SCFD2: variants seen among roughly 807,000 people sequenced by gnomAD.
SCFD2 encodes sec1 family domain containing 2.
SCFD2 carries 54 observed loss-of-function variants against 58.9 expected under a neutral mutation model. The ratio of observed to expected loss-of-function variants is 0.92; its 90% CI spans 0.74 to 1.15. The LOEUF (loss-of-function observed/expected upper bound fraction) is 1.15, where lower values mean the gene tolerates loss of function less well. Ranked by LOEUF, SCFD2 falls within the 50% of genes most tolerant of loss-of-function variation. The probability of loss-of-function intolerance (pLI) is 0.00; values close to 1 mark genes in which losing one functional copy is unlikely to be tolerated. For synonymous variants in SCFD2, 321 were observed against 335.9 expected, an observed-to-expected ratio of 0.96 and a Z score of 0.49; for missense variants, 805 against 836.6, an observed-to-expected ratio of 0.96 and a Z score of 0.47.
In SCFD2 at chr4:53,027,785, A is replaced by T. The variant is rs1295664731; in HGVS notation, c.1562-106915T>A. Among the ~76,000 whole-genome samples the T allele has an allele frequency of 5.3e-5, 8 of 152,174 alleles. No homozygotes were observed. In the East Asian group the frequency reaches 1.6e-3, roughly 29 times the overall value. ...TGAGGCTGCAGTGAGCTGCATTCAA[A>T]CCACTGCATTCCAGCCTGGGTGACA... On this transcript the variant is annotated intron_variant, in intron 5 of 8. Transcript: ENST00000401642.
chr4:53,253,562 A>G (rs1423937330), intron 4 of SCFD2, among the ~76,000 whole-genome samples: 1 of 152,154 alleles, frequency 6.6e-6, no homozygotes, highest in Non-Finnish European at 1.5e-5. Context: ...TGTAGCCATA[A>G]AAAATGATGA....
intron 4 of SCFD2, among the ~76,000 whole-genome samples, chr4:53,231,861 T>C (rs1353230051): frequency 2.0e-5 from 3 of 152,030 alleles, no homozygotes; most frequent in African/African-American, 4.8e-5. Flanking sequence ...AAACAAAAAA[T>C]GTTATATATA....
At chr4:53,052,499 C>T (rs532643433) in intron 5 of SCFD2, among the ~76,000 whole-genome samples, 2 of 152,240 alleles carry the variant, frequency 1.3e-5, no homozygotes, top group South Asian at 4.1e-4. Flanking sequence ...TAAAGAATAA[C>T]AAGAAAATAA....
intron 5 of SCFD2, among the ~76,000 whole-genome samples, chr4:53,031,094 A>G (rs1324668598): frequency 1.3e-5 from 2 of 152,188 alleles, no homozygotes; most frequent in African/African-American, 4.8e-5. Flanking sequence ...AAAGTCAGCA[A>G]TCTTTGCTGT....
At chr4:52,997,877 C>T (rs1445020092) in intron 5 of SCFD2, among the ~76,000 whole-genome samples, 1 of 152,192 alleles carries the variant, frequency 6.6e-6, no homozygotes, top group East Asian at 1.9e-4. Context: ...AAAATATCTT[C>T]TCAAGAGACA....
chr4:53,263,991 G>A (rs1730906748), intron 4 of SCFD2, among the ~76,000 whole-genome samples: 2 of 152,150 alleles, frequency 1.3e-5, no homozygotes, highest in Non-Finnish European at 1.5e-5. Flanking sequence ...GGAGATGGTG[G>A]TATAGTTCCC....
chr4:53,178,764 G>A (rs995903962), intron 4 of SCFD2, among the ~76,000 whole-genome samples: 4 of 152,090 alleles, frequency 2.6e-5, no homozygotes, highest in East Asian at 3.9e-4. Context: ...AAAATTAGAC[G>A]AATGGATAAC....
chr4:52,916,362 G>A (rs1719606300), intron 6 of SCFD2, among the ~76,000 whole-genome samples: 1 of 152,240 alleles, frequency 6.6e-6, no homozygotes, highest in Admixed American at 6.5e-5. Flanking sequence ...CTGAGGTCAG[G>A]AGTTCAAGAC....
intron 4 of SCFD2, among the ~76,000 whole-genome samples, chr4:53,149,514 T>A (rs1726444172): frequency 6.6e-6 from 1 of 152,214 alleles, no homozygotes; most frequent in Non-Finnish European, 1.5e-5. Context: ...CAAATCTTCC[T>A]TAAGGAATTC....
rs1053841223 is a variant in SCFD2, at chr4:53,173,859, C to T, written c.1312-28277G>A. ...TACACCTCTACACTTTTACTCCCCA[C>T]GCTCATACCATATAGACATACACAC... On this transcript the variant is annotated intron_variant, in intron 4 of 8. Transcript: ENST00000401642. Among the ~76,000 whole-genome samples the T allele has an allele frequency of 1.2e-4, 19 of 152,210 alleles. 1 individual carries two copies. Among genetic ancestry groups the T allele is most frequent in the South Asian group, 4.1e-4 (2 of 4,824 alleles).
At chr4:52,945,962 TA>T (rs1560489165) in intron 5 of SCFD2, among the ~76,000 whole-genome samples, 1 of 152,202 alleles carries the variant, frequency 6.6e-6, no homozygotes, top group Non-Finnish European at 1.5e-5. Context: ...TAACTGATTT[TA>T]AAAAGCAAAT....
chr4:53,145,344 T>G lies in SCFD2; in HGVS notation c.1550A>C (p.Gln517Pro). The G allele has an allele frequency of 6.2e-7, 1 of 1,613,998 alleles. No individual in the cohort carries two copies. The highest frequency in any genetic ancestry group is 8.5e-7 in the Non-Finnish European group (1 of 1,179,968). The change falls in exon 5 of 9, where the codon CAA (glutamine) becomes CCA (proline). Residue 517 changes from glutamine (Q) to proline (P), a missense_variant. Gln to Pro is a moderately conservative substitution (Grantham distance 76, BLOSUM62 -1). Around this residue, in one of 3 missense-constraint regions of SCFD2, gnomAD observed 633 missense variants for 646.8 expected, o/e 0.98. Coordinates refer to ENST00000401642, the MANE Select transcript of SCFD2 (RefSeq NM_152540.4). ...TGTTAGACACTCACCCGTAATTTTT[T>G]GCAGCAAAGGTGACAATCCAGATTC... is the stretch of plus-strand genomic sequence containing the variant. The part of the protein sequence containing the change: ...CEESGLSPLL[Q>P]KITDWDSSIN...
intron 5 of SCFD2, among the ~76,000 whole-genome samples, chr4:53,123,927 A>G (rs1725553885): frequency 6.6e-6 from 1 of 152,170 alleles, no homozygotes; most frequent in Admixed American, 6.5e-5. Context: ...GGTGCTTGGA[A>G]ACCACTCCAT....
chr4:53,273,996 C>G lies in SCFD2; in HGVS notation c.1141G>C (p.Val381Leu). 2 of 1,607,916 alleles carry G rather than the reference C, an allele frequency of 1.2e-6. No homozygotes were observed. The highest frequency in any genetic ancestry group is 2.2e-5 in the South Asian group (2 of 89,294). Residue 381 changes from valine to leucine, a missense_variant, in exon 4 of 9, where the codon GTC becomes CTC. Val to Leu is a conservative substitution (Grantham distance 32). Transcript: ENST00000401642. ...TAGGACATGAGCTGTCCCGGTGTGA[C>G]TCTCCCTGGAAACATAAGAATTTAT... The part of the protein sequence containing the change: ...NLPIKMSMGR[V>L]TPGQLMSYIQ...
chr4:52,966,822 TA>T (rs200490737), intron 5 of SCFD2, among the ~76,000 whole-genome samples: 5 of 152,134 alleles, frequency 3.3e-5, no homozygotes, highest in African/African-American at 1.2e-4. Context: ...CCTTTGTTTT[TA>T]AAAAAAATTG....
At chr4:53,024,779 G>A (rs1352079952) in intron 5 of SCFD2, among the ~76,000 whole-genome samples, 1 of 151,642 alleles carries the variant, frequency 6.6e-6, no homozygotes, top group Admixed American at 6.6e-5. Flanking sequence ...CTCTGAAGGG[G>A]TTCCAGAGTC....
At chr4:53,030,426 G>A (rs1316984248) in intron 5 of SCFD2, among the ~76,000 whole-genome samples, 1 of 151,552 alleles carries the variant, frequency 6.6e-6, no homozygotes, top group East Asian at 1.9e-4. Context: ...AAAAAATCTA[G>A]CCTTTTTTTT....
chr4:53,246,414 G>C (rs1179959970), intron 4 of SCFD2, among the ~76,000 whole-genome samples: 1 of 152,104 alleles, frequency 6.6e-6, no homozygotes, highest in Non-Finnish European at 1.5e-5. Flanking sequence ...AAAGAACAAA[G>C]CTGGACACAT....
chr4:53,249,016 G>T (rs1332832502), intron 4 of SCFD2, among the ~76,000 whole-genome samples: 1 of 152,162 alleles, frequency 6.6e-6, no homozygotes, highest in East Asian at 1.9e-4. Flanking sequence ...CGAGCTATGG[G>T]AGGAAATTCA....
Sources: allele counts gnomAD v4.1 joint callset (sites outside exome capture counted in the v4.1 genomes callset), GRCh38; gene constraint gnomAD v4.1.1; regional missense constraint gnomAD v4.1.1; transcripts MANE v1.5; gene names NCBI Gene and HGNC (gene_info 2026-07-23, HGNC 2026-07-21).